SCHIP1: variants seen among roughly 807,000 people sequenced by gnomAD.
SCHIP1 encodes schwannomin interacting protein 1.
A neutral mutation model predicts 29.7 loss-of-function variants in SCHIP1; 8 were observed. The observed-to-expected ratio is 0.27, with a 90% CI of 0.16 to 0.49. The LOEUF is 0.49. Among genes scored for constraint, SCHIP1 ranks in the 20% least tolerant of loss-of-function variants. The pLI is 0.99. For missense variants in SCHIP1, 193 were observed against 294.6 expected (o/e 0.66, Z 2.52); for synonymous variants, 76 against 94.9 (o/e 0.80, Z 1.16).
chr3:159,869,451 T>C (rs911496469), intron 2 of SCHIP1, among the ~76,000 whole-genome samples: 46 of 152,090 alleles, frequency 3.0e-4, no homozygotes, highest in African/African-American at 1.0e-3. Context: ...TCGTTTTCCT[T>C]ATATATGACC....
At chr3:159,319,049 C>T in the SCHIP1 span, among the ~76,000 whole-genome samples, 2 of 152,136 alleles carry the variant, frequency 1.3e-5, no homozygotes, top group African/African-American at 2.4e-5. Context: ...CCCTATCTGC[C>T]ACTGACACCT....
the SCHIP1 span, among the ~76,000 whole-genome samples, chr3:159,701,382 A>G: frequency 1.2e-3 from 178 of 152,274 alleles, no homozygotes; most frequent in African/African-American, 4.2e-3. Flanking sequence ...CTTCCCTACT[A>G]TCAACAGTAT....
the SCHIP1 span, among the ~76,000 whole-genome samples, chr3:159,360,647 A>G: frequency 6.6e-6 from 1 of 152,242 alleles, no homozygotes; most frequent in Non-Finnish European, 1.5e-5. Context: ...AGTGGGAGAC[A>G]GGATTAGTTT....
chr3:159,702,939 C>A, the SCHIP1 span, among the ~76,000 whole-genome samples: 1 of 152,184 alleles, frequency 6.6e-6, no homozygotes, highest in Non-Finnish European at 1.5e-5. Flanking sequence ...CAATGATATC[C>A]TTTTACTTGC....
At chr3:159,657,103 A>C in the SCHIP1 span, among the ~76,000 whole-genome samples, 1 of 152,068 alleles carries the variant, frequency 6.6e-6, no homozygotes, top group East Asian at 1.9e-4. Context: ...CACATGTGCT[A>C]CTCTAAGTCT....
chr3:159,395,244 A>G, the SCHIP1 span, among the ~76,000 whole-genome samples: 3 of 151,396 alleles, frequency 2.0e-5, no homozygotes, highest in Non-Finnish European at 4.4e-5. Flanking sequence ...CGGTCTATCT[A>G]TTTTGTTGAT....
chr3:159,671,879 C>A, the SCHIP1 span, among the ~76,000 whole-genome samples: 1 of 152,246 alleles, frequency 6.6e-6, no homozygotes, highest in African/African-American at 2.4e-5. Context: ...CTGAATGAAT[C>A]CCATTTTCCC....
chr3:159,817,394 A>G, the SCHIP1 span, among the ~76,000 whole-genome samples: 1 of 152,174 alleles, frequency 6.6e-6, no homozygotes, highest in Non-Finnish European at 1.5e-5. Context: ...TCACTGTGGT[A>G]CAAAGCAACC....
At chr3:159,580,607 A>G in the SCHIP1 span, among the ~76,000 whole-genome samples, 1 of 152,228 alleles carries the variant, frequency 6.6e-6, no homozygotes, top group African/African-American at 2.4e-5. Context: ...TATAGCAAAA[A>G]TAAAATGAGG....
At chr3:159,359,143 A>C in the SCHIP1 span, among the ~76,000 whole-genome samples, 1 of 151,594 alleles carries the variant, frequency 6.6e-6, no homozygotes, top group Non-Finnish European at 1.5e-5. Context: ...GGCCAGGATG[A>C]TCTCGATCTC....
chr3:159,310,113 G>A, the SCHIP1 span, among the ~76,000 whole-genome samples: 1 of 152,170 alleles, frequency 6.6e-6, no homozygotes, highest in Admixed American at 6.5e-5. Flanking sequence ...CAAGAGGCAT[G>A]CGTCCTCTTA....
chr3:159,669,902 T>C, the SCHIP1 span, among the ~76,000 whole-genome samples: 6 of 152,126 alleles, frequency 3.9e-5, no homozygotes, highest in Non-Finnish European at 7.3e-5. Flanking sequence ...AGGAGGCATA[T>C]GTGAGAAAGA....
the SCHIP1 span, among the ~76,000 whole-genome samples, chr3:159,653,474 T>C: frequency 6.0e-5 from 9 of 149,656 alleles, no homozygotes; most frequent in East Asian, 1.6e-3. Context: ...ATTCTCAGCA[T>C]ACTAACACAG....
At chr3:159,765,272 A>G in the SCHIP1 span, 17 of 1,063,036 alleles carry the variant, frequency 1.6e-5, no homozygotes, top group Middle Eastern at 9.3e-4. Flanking sequence ...GGGCCAGGCC[A>G]GAGAGCCTGC....
chr3:159,484,824 G>T, the SCHIP1 span, among the ~76,000 whole-genome samples: 1 of 152,128 alleles, frequency 6.6e-6, no homozygotes, highest in African/African-American at 2.4e-5. Flanking sequence ...TTCTGTCTGA[G>T]CCAAAGCAAA....
chr3:159,689,335 A>G, the SCHIP1 span, among the ~76,000 whole-genome samples: 3 of 152,054 alleles, frequency 2.0e-5, no homozygotes, highest in Admixed American at 2.0e-4. Flanking sequence ...TTGTATTCCT[A>G]TGTATTTTAT....
At chr3:159,397,444 T>G in the SCHIP1 span, among the ~76,000 whole-genome samples, 4 of 152,208 alleles carry the variant, frequency 2.6e-5, no homozygotes, top group African/African-American at 9.7e-5. Context: ...TTCCCCATCT[T>G]TGTGGTTTTA....
At chr3:159,498,120 T>C in the SCHIP1 span, among the ~76,000 whole-genome samples, 1 of 152,152 alleles carries the variant, frequency 6.6e-6, no homozygotes, top group African/African-American at 2.4e-5. Flanking sequence ...AAATAAGCAA[T>C]GATTTCCAAA....
the SCHIP1 span, among the ~76,000 whole-genome samples, chr3:159,702,877 G>A: frequency 6.6e-6 from 1 of 152,150 alleles, no homozygotes; most frequent in Admixed American, 6.5e-5. Context: ...CCAAGAAATA[G>A]CAAAATTTTG....
Sources: gnomAD v4.1 joint callset for allele counts (sites outside exome capture counted in the v4.1 genomes callset) on GRCh38, gnomAD v4.1.1 for gene constraint, MANE v1.5 for transcripts, NCBI Gene and HGNC (gene_info 2026-07-23, HGNC 2026-07-21) for gene names.